The following BNC2 variants were observed in gnomAD, a reference collection of about 807,000 sequenced individuals.
BNC2 encodes the protein basonuclin zinc finger protein 2.
A neutral mutation model predicts 76.3 loss-of-function variants in BNC2; 20 were observed. That is an observed-to-expected ratio of 0.26 (90% CI 0.18 to 0.38). The LOEUF (loss-of-function observed/expected upper bound fraction) is 0.38. Among genes scored for constraint, BNC2 ranks in the 10% least tolerant of loss-of-function variants. The pLI, the probability that BNC2 is intolerant of heterozygous loss-of-function variation, is 1.00. For missense variants in BNC2, 1,382 were observed against 1,399.8 expected (o/e 0.99, Z 0.20); for synonymous variants, 582 against 514.8 (o/e 1.13, Z -1.77).
chr9:16,846,781 C>G (rs1354713811), intron 1 of BNC2, among the ~76,000 whole-genome samples: 1 of 152,198 alleles, frequency 6.6e-6, no homozygotes, highest in Non-Finnish European at 1.5e-5. Flanking sequence ...GACCAAAGCA[C>G]CAGCAGGTTT....
Position 16,798,661 on chromosome 9 carries a change from C to G in BNC2, c.4-60176G>C, listed in dbSNP as rs77860728. 6.6e-3 allele frequency among the ~76,000 whole-genome samples: 1,003 copies of G among 152,282 alleles called. 11 individuals carry two copies. The highest frequency in any genetic ancestry group is 0.023 in the African/African-American group (946 of 41,548). On this transcript the variant is annotated intron_variant, in intron 1 of 6. Coordinates refer to ENST00000380672, the MANE Select transcript of BNC2 (RefSeq NM_017637.6). ...AGGACTTTACCAAGTGCCATTCAGA[C>G]AGCAGGCAGGTAAATTTTTCATTCT...
intron 3 of BNC2, among the ~76,000 whole-genome samples, chr9:16,640,948 A>G (rs1821476658): frequency 6.6e-6 from 1 of 152,220 alleles, no homozygotes; most frequent in South Asian, 2.1e-4. Flanking sequence ...CAGTACGTTC[A>G]CAGCTCTAGA....
At chr9:16,863,539 A>G (rs1808397770) in intron 1 of BNC2, among the ~76,000 whole-genome samples, 1 of 152,132 alleles carries the variant, frequency 6.6e-6, no homozygotes, top group African/African-American at 2.4e-5. Flanking sequence ...TACTAAAAAT[A>G]CAAAAATTAG....
chr9:16,850,329 C>T (rs1363661668), intron 1 of BNC2, among the ~76,000 whole-genome samples: 4 of 152,098 alleles, frequency 2.6e-5, no homozygotes, highest in South Asian at 2.1e-4. Context: ...ATGTATGGTA[C>T]GCATGAATCT....
intron 1 of BNC2, among the ~76,000 whole-genome samples, chr9:16,746,325 CATTTAA>C (rs1825002303): frequency 6.6e-6 from 1 of 152,072 alleles, no homozygotes; most frequent in Non-Finnish European, 1.5e-5. Context: ...GAGCCCCCCA[CATTTAA>C]CCCTATGAAT....
intron 3 of BNC2, among the ~76,000 whole-genome samples, chr9:16,613,598 T>C (rs1032014898): frequency 6.6e-6 from 1 of 152,180 alleles, no homozygotes; most frequent in Non-Finnish European, 1.5e-5. Flanking sequence ...ATTACTGAGA[T>C]TGTGCGCAAG....
chr9:16,601,523 T>C lies in BNC2; in HGVS notation c.331-18438A>G, dbSNP rs77570846. ...AGTAAGCAGTTTCCTGAGGAGGGCC[T>C]CATGAGCTTTTCCAAGATTTGAAAG... On this transcript the variant is annotated intron_variant, in intron 3 of 6. Coordinates refer to ENST00000380672, the MANE Select transcript of BNC2 (RefSeq NM_017637.6). Among the ~76,000 whole-genome samples, 367 of 152,244 alleles carry C rather than the reference T, an allele frequency of 2.4e-3. 3 individuals carry two copies. The highest frequency in any genetic ancestry group is 8.2e-3 in the African/African-American group (342 of 41,542).
intron 4 of BNC2, among the ~76,000 whole-genome samples, chr9:16,560,973 C>T (rs568238920): frequency 6.6e-6 from 1 of 150,888 alleles, no homozygotes; most frequent in African/African-American, 2.5e-5. Flanking sequence ...CATGGTGGCT[C>T]ATGCCTGTAA....
chr9:16,833,157 A>C (rs973929988), intron 1 of BNC2, among the ~76,000 whole-genome samples: 4 of 152,010 alleles, frequency 2.6e-5, no homozygotes, highest in South Asian at 2.1e-4. Flanking sequence ...CTACAAATCC[A>C]CCCTTCTCTT....
intron 5 of BNC2, among the ~76,000 whole-genome samples, chr9:16,459,621 G>T (rs1362153037): frequency 6.6e-6 from 1 of 152,086 alleles, no homozygotes; most frequent in Admixed American, 6.5e-5. Context: ...TGGGCCTGAG[G>T]CACCCACACA....
chr9:16,645,861 C>T (rs1229596952), intron 3 of BNC2, among the ~76,000 whole-genome samples: 2 of 152,176 alleles, frequency 1.3e-5, no homozygotes, highest in African/African-American at 4.8e-5. Flanking sequence ...ACAAGATCCT[C>T]TCAAGTAGCA....
chr9:16,668,604 T>C lies in BNC2; in HGVS notation c.330+59193A>G, dbSNP rs1414233203. On this transcript the variant is annotated intron_variant, in intron 3 of 6. Transcript: ENST00000380672. ...GCTAAAATACCATCTTGAAACATTA[T>C]TGTAGCCATTATTGTGGAATTTACT... Among the ~76,000 whole-genome samples the C allele has an allele frequency of 2.0e-5, 3 of 152,260 alleles. No individual in the cohort carries two copies. The East Asian group carries it at 5.8e-4, about 29-fold the overall frequency.
At chr9:16,814,005 T>A (rs985945884) in intron 1 of BNC2, among the ~76,000 whole-genome samples, 4 of 152,154 alleles carry the variant, frequency 2.6e-5, no homozygotes, top group African/African-American at 7.2e-5. Context: ...CTAAAAGGAT[T>A]TGGCTTGTCT....
chr9:16,460,595 C>T (rs909576573), intron 5 of BNC2, among the ~76,000 whole-genome samples: 4 of 152,088 alleles, frequency 2.6e-5, no homozygotes, highest in East Asian at 1.9e-4. Flanking sequence ...TGCACTCTAG[C>T]CTGTGTGACA....
At chr9:16,772,713 G>A (rs1825863195) in intron 1 of BNC2, among the ~76,000 whole-genome samples, 1 of 152,082 alleles carries the variant, frequency 6.6e-6, no homozygotes, top group African/African-American at 2.4e-5. Context: ...CCAACAAATT[G>A]AAGGTGCTGG....
intron 3 of BNC2, among the ~76,000 whole-genome samples, chr9:16,640,419 A>G (rs1821459166): frequency 6.6e-6 from 1 of 152,230 alleles, no homozygotes; most frequent in African/African-American, 2.4e-5. Flanking sequence ...AACAAAACAC[A>G]TGAGGGATAA....
At chr9:16,578,388 C>T (rs1819543905) in intron 4 of BNC2, among the ~76,000 whole-genome samples, 1 of 152,128 alleles carries the variant, frequency 6.6e-6, no homozygotes, top group South Asian at 2.1e-4. Context: ...AAAATGGTTT[C>T]GTGCAGCAGT....
chr9:16,626,940 C>A (rs1490692765), intron 3 of BNC2, among the ~76,000 whole-genome samples: 3 of 152,168 alleles, frequency 2.0e-5, no homozygotes, highest in African/African-American at 7.2e-5. Flanking sequence ...CGCTTGTTTA[C>A]CAAACAGCAC....
intron 1 of BNC2, among the ~76,000 whole-genome samples, chr9:16,740,370 G>A (rs1824805472): frequency 6.6e-6 from 1 of 152,154 alleles, no homozygotes; most frequent in Non-Finnish European, 1.5e-5. Flanking sequence ...TAATTTAAAT[G>A]GTAACTCTAG....
Sources: gnomAD v4.1 joint callset for allele counts (sites outside exome capture counted in the v4.1 genomes callset) on GRCh38, gnomAD v4.1.1 for gene constraint, MANE v1.5 for transcripts, NCBI Gene and HGNC (gene_info 2026-07-23, HGNC 2026-07-21) for gene names.